The following WWTR1 variants were observed in gnomAD, a reference collection of about 807,000 sequenced individuals.
WWTR1 encodes the protein WW domain containing transcription regulator 1.
Under a neutral mutation model 40.1 loss-of-function variants are expected in WWTR1, and 13 were observed. The observed-to-expected ratio is 0.32, with a 90% confidence interval of 0.21 to 0.52. WWTR1 has a LOEUF of 0.52. Ranked by LOEUF, WWTR1 falls within the 20% of genes least tolerant of loss-of-function variation. The pLI is 0.97. For synonymous variants in WWTR1, 230 were observed against 210.1 expected (o/e 1.09, Z -0.82); for missense variants, 436 against 523.1 (o/e 0.83, Z 1.63).
At chr3:149,695,149 C>T (rs1180578905) in intron 1 of WWTR1, among the ~76,000 whole-genome samples, 2 of 151,848 alleles carry the variant, frequency 1.3e-5, no homozygotes, top group Admixed American at 6.6e-5. Flanking sequence ...ATGATGATTA[C>T]CAGAGGCTGG....
intron 2 of WWTR1, among the ~76,000 whole-genome samples, chr3:149,625,393 C>A (rs1740500169): frequency 6.6e-6 from 1 of 151,618 alleles, no homozygotes; most frequent in South Asian, 2.1e-4. Flanking sequence ...GCTGGGATTA[C>A]AGGCTTGAGC....
chr3:149,692,492 G>A (rs115978667), intron 1 of WWTR1, among the ~76,000 whole-genome samples: 2,106 of 152,182 alleles, frequency 0.014, 32 homozygotes, highest in East Asian at 0.062. Flanking sequence ...ATGTGTTGAG[G>A]AATATACCTC....
chr3:149,572,283 A>C (rs892265406), intron 3 of WWTR1, among the ~76,000 whole-genome samples: 1 of 152,130 alleles, frequency 6.6e-6, no homozygotes, highest in African/African-American at 2.4e-5. Context: ...CATGTTATGC[A>C]GCAATTATGA....
chr3:149,684,771 T>C (rs538626078), intron 1 of WWTR1, among the ~76,000 whole-genome samples: 3 of 152,178 alleles, frequency 2.0e-5, no homozygotes, highest in African/African-American at 7.2e-5. Context: ...ACCATGTTGC[T>C]CAGGCTGCTT....
At chr3:149,568,523 CAAAAAAAAAAAAAA>C (rs34414853) in intron 3 of WWTR1, among the ~76,000 whole-genome samples, 15 of 64,814 alleles carry the variant, frequency 2.3e-4, no homozygotes, top group South Asian at 1.4e-3. Context: ...AATTAAAGTG[CAAAAAAAAAAAAAA>C]AAAAAAAAAA....
At chr3:149,723,415 C>T (rs1241911238) in intron 4 of WWTR1, among the ~76,000 whole-genome samples, 1 of 151,832 alleles carries the variant, frequency 6.6e-6, no homozygotes, top group Non-Finnish European at 1.5e-5. Context: ...CTTAAACTCC[C>T]GACCTCAGGT....
intron 1 of WWTR1, among the ~76,000 whole-genome samples, chr3:149,688,515 C>G (rs1449261663): frequency 6.6e-6 from 1 of 152,204 alleles, no homozygotes; most frequent in Admixed American, 6.5e-5. Flanking sequence ...CAGTTCTTAT[C>G]TAAGACTACC....
chr3:149,626,744 T>C (rs1740561630), intron 2 of WWTR1, among the ~76,000 whole-genome samples: 2 of 152,186 alleles, frequency 1.3e-5, no homozygotes, highest in Non-Finnish European at 1.5e-5. Flanking sequence ...TGTAGGCACA[T>C]GGGGTGATGA....
At chr3:149,537,406 A>G (rs900527117) in intron 4 of WWTR1, among the ~76,000 whole-genome samples, 3 of 152,228 alleles carry the variant, frequency 2.0e-5, no homozygotes, top group African/African-American at 7.2e-5. Context: ...AGACACATTG[A>G]TACACATGAT....
At chr3:149,633,279 C>G (rs965010461) in intron 2 of WWTR1, among the ~76,000 whole-genome samples, 1 of 152,022 alleles carries the variant, frequency 6.6e-6, no homozygotes, top group Non-Finnish European at 1.5e-5. Flanking sequence ...GTCCTAGCTA[C>G]TTAGGAGGCT....
rs187865588 is a variant in WWTR1 at position 149,719,069 on chromosome 3, G to A, written n.460-1503C>T. ...TTGAACTCCTGACCTCAAGTGATCT[G>A]CCTGACTTGGCCTCCCATAGGGCTG... is the stretch of plus-strand genomic sequence containing the variant. On this transcript the variant is annotated intron_variant and non_coding_transcript_variant, in intron 4 of 6. Coordinates refer to the WWTR1 transcript ENST00000474080. 3.0e-3 allele frequency among the ~76,000 whole-genome samples: 460 copies of A among 151,828 alleles called. 4 individuals carry two copies. Among genetic ancestry groups the A allele is most frequent in the African/African-American group, 9.0e-3 (372 of 41,402 alleles).
At chr3:149,546,413 A>G (rs934470990) in intron 3 of WWTR1, among the ~76,000 whole-genome samples, 3 of 152,210 alleles carry the variant, frequency 2.0e-5, no homozygotes, top group Non-Finnish European at 4.4e-5. Flanking sequence ...GATGATTCCA[A>G]TGTTTCTTAG....
intron 2 of WWTR1, among the ~76,000 whole-genome samples, chr3:149,590,794 A>G (rs1453197581): frequency 6.6e-6 from 1 of 152,214 alleles, no homozygotes; most frequent in African/African-American, 2.4e-5. Flanking sequence ...GAACCCAAAG[A>G]GGCTGACGTG....
chr3:149,710,574 C>A (rs1271327696), intron 5 of WWTR1, among the ~76,000 whole-genome samples: 2 of 74,938 alleles, frequency 2.7e-5, no homozygotes, highest in African/African-American at 1.0e-4. Flanking sequence ...CCCGCCTCCC[C>A]CCCCCCCCTT....
intron 5 of WWTR1, among the ~76,000 whole-genome samples, chr3:149,712,550 G>A (rs1394142622): frequency 6.6e-6 from 1 of 152,058 alleles, no homozygotes; most frequent in Admixed American, 6.6e-5. Flanking sequence ...GTTTTTAGTT[G>A]CTGACAAAAA....
At chr3:149,558,238 C>G (rs943661489) in intron 3 of WWTR1, among the ~76,000 whole-genome samples, 1 of 151,642 alleles carries the variant, frequency 6.6e-6, no homozygotes, top group Non-Finnish European at 1.5e-5. Flanking sequence ...CTGAGACAGT[C>G]AACTGCTTGT....
chr3:149,584,519 C>G (rs1738314513), intron 2 of WWTR1, among the ~76,000 whole-genome samples: 1 of 152,126 alleles, frequency 6.6e-6, no homozygotes, highest in East Asian at 1.9e-4. Context: ...GTGAGGTTCC[C>G]ATTTTGCAAG....
chr3:149,663,147 C>T (rs748507515), intron 2 of WWTR1, among the ~76,000 whole-genome samples: 4 of 152,068 alleles, frequency 2.6e-5, no homozygotes, highest in East Asian at 2.0e-4. Context: ...ATTCTCCTGT[C>T]TTAGCCTCTC....
chr3:149,644,668 C>G (rs1053031861), intron 2 of WWTR1, among the ~76,000 whole-genome samples: 3 of 152,262 alleles, frequency 2.0e-5, no homozygotes, highest in African/African-American at 7.2e-5. Flanking sequence ...TCCCACAATG[C>G]AAAAACAAAC....
Sources: allele counts gnomAD v4.1 joint callset (sites outside exome capture counted in the v4.1 genomes callset), GRCh38; gene constraint gnomAD v4.1.1; transcripts MANE v1.5; gene names NCBI Gene and HGNC (gene_info 2026-07-23, HGNC 2026-07-21).